Variants in ZNF268 observed in about 807,000 individuals in gnomAD.
ZNF268 encodes zinc finger protein 3.
A neutral mutation model predicts 29.3 loss-of-function variants in ZNF268; 20 were observed. The observed-to-expected ratio is 0.68, with a 90% CI of 0.48 to 0.99. The LOEUF is 0.99. Ranked by LOEUF, ZNF268 falls within the 50% of genes least tolerant of loss-of-function variation. The probability of loss-of-function intolerance (pLI) is 0.00; values close to 1 mark genes in which losing one functional copy is unlikely to be tolerated. For synonymous variants in ZNF268, 429 were observed against 376.9 expected, an observed-to-expected ratio of 1.14 and a Z score of -1.60; for missense variants, 1,240 against 1,121.6, an observed-to-expected ratio of 1.11 and a Z score of -1.51.
chr12:133,211,667 CAAATT>C lies in ZNF268; in HGVS notation c.*7141_*7145del, dbSNP rs1404529703. The C allele has an allele frequency of 6.6e-6, 1 of 151,808 alleles. No homozygotes were observed. The highest frequency in any genetic ancestry group is 1.5e-5 in the Non-Finnish European group (1 of 68,210). 9.4% of individuals were successfully genotyped at this position (151,808 alleles called of 1,614,324 possible). A position where few individuals can be genotyped will look rare whatever the true frequency, so the allele number is the denominator to read the frequency against. On this transcript the variant is annotated 3_prime_UTR_variant, in exon 6 of 6. Coordinates refer to ENST00000536435, the MANE Select transcript of ZNF268 (RefSeq NM_003415.3). ...AGTGACACTTGTCATGAGGGAAAAGCAAATTAAAACAACGAGATAGCACCGCACAT... is the reference window on the plus strand; with the variant it reads ...AGTGACACTTGTCATGAGGGAAAAGCAAAACAACGAGATAGCACCGCACAT...
rs1373323676 is a variant in ZNF268, at chr12:133,212,491, A to G, written c.*7961A>G. 32 of 21,370 alleles carry G rather than the reference A, an allele frequency of 1.5e-3. No individual in the cohort carries two copies. The highest frequency in any genetic ancestry group is 9.8e-3 in the African/African-American group (28 of 2,860). The allele number at this position is 21,370 out of a possible 1,614,324, so 1.3% of individuals were successfully genotyped here. A position where few individuals can be genotyped will look rare whatever the true frequency, so the allele number is the denominator to read the frequency against. On this transcript the variant is annotated 3_prime_UTR_variant, in exon 6 of 6. Transcript: ENST00000536435. ...TATATATATATATATATATATATAT[A>G]TATATATGTATATATACACACACAC...
At chr12:133,193,454 A>C (rs1387996729) in intron 5 of ZNF268, 1 of 693,004 alleles carries the variant, frequency 1.4e-6, no homozygotes, top group Admixed American at 2.1e-5. Context: ...GTCCAAAGCC[A>C]AGGTGCTGGC....
chr12:133,202,651 A>G lies in ZNF268; in HGVS notation c.965A>G (p.His322Arg), dbSNP rs1352868771. ...DFSSKSYLIV[H>R]QRIHTGEKLH... Reference sequence around the variant, plus strand: ...AGTAGTAAATCATACCTCATTGTACATCAGAGAATTCATACAGGAGAGAAA... The same window carrying G: ...AGTAGTAAATCATACCTCATTGTACGTCAGAGAATTCATACAGGAGAGAAA... Residue 322 changes from histidine (H) to arginine (R), a missense_variant, in exon 6 of 6, where the codon CAT becomes CGT. Around this residue, in one of 3 missense-constraint regions of ZNF268, gnomAD observed 1,177 missense variants for 1,039.6 expected, o/e 1.13. Coordinates refer to ENST00000536435, the MANE Select transcript of ZNF268 (RefSeq NM_003415.3). 6.2e-7 allele frequency: 1 copy of G among 1,606,202 alleles called. No individual in the cohort carries two copies. Among genetic ancestry groups the G allele is most frequent in the Admixed American group, 1.7e-5 (1 of 58,360 alleles).
At chr12:133,185,411 G>C (rs1013855121) in intron 2 of ZNF268, among the ~76,000 whole-genome samples, 3 of 99,250 alleles carry the variant, frequency 3.0e-5, no homozygotes, top group African/African-American at 1.2e-4. Context: ...CTTTGTGACT[G>C]GGGTAGGGAG....
Position 133,203,645 on chromosome 12 carries a change from A to T in ZNF268, c.1959A>T (p.Ser653=). ...NECGKAFTFK[S]QLIVHKGVHT... The stretch of plus-strand genomic sequence containing the variant: ...GTGGAAAAGCCTTTACGTTCAAATC[A>T]CAGCTCATTGTACATAAAGGAGTGC... Residue 653 remains serine, a synonymous_variant, in exon 6 of 6, where the codon TCA becomes TCT. Transcript: ENST00000536435. 6.4e-7 allele frequency: 1 copy of T among 1,557,482 alleles called. No individual in the cohort carries two copies.
At position 133,203,349 on chromosome 12, in the gene ZNF268, C is replaced by T. The variant is rs1348535023; in HGVS notation, c.1663C>T (p.Pro555Ser). The T allele has an allele frequency of 3.2e-6, 5 of 1,547,918 alleles. No homozygotes were observed. The East Asian group carries it at 9.7e-5, about 30-fold the overall frequency. ...IHQRIHTGENPYECHECGKAF... is the reference protein window; with the variant it reads ...IHQRIHTGENSYECHECGKAF... ...TCAGAGGATTCATACAGGAGAGAAC[C>T]CCTATGAATGCCATGAATGTGGGAA... The change falls in exon 6 of 6, where the codon CCC becomes TCC. Residue 555 changes from proline (P) to serine (S), a missense_variant. Physicochemically the swap from Pro to Ser is moderately conservative, Grantham distance 74. Transcript: ENST00000536435.
At chr12:133,190,001 A>G (rs1232663830) in intron 3 of ZNF268, among the ~76,000 whole-genome samples, 14 of 69,934 alleles carry the variant, frequency 2.0e-4, no homozygotes, top group Admixed American at 7.5e-4. Context: ...GTAGAGACGA[A>G]GTTTCACCAT....
intron 5 of ZNF268, among the ~76,000 whole-genome samples, chr12:133,199,322 A>G (rs1956693404): frequency 6.6e-6 from 1 of 151,994 alleles, no homozygotes; most frequent in Non-Finnish European, 1.5e-5. Context: ...GGTTTTGTTT[A>G]TATGCTGGAT....
Position 133,191,985 on chromosome 12 carries a change from C to G in ZNF268, c.439C>G (p.Pro147Ala). 1 of 1,613,080 alleles carries G rather than the reference C, an allele frequency of 6.2e-7. No homozygotes were observed. The highest frequency in any genetic ancestry group is 8.5e-7 in the Non-Finnish European group (1 of 1,179,226). The change falls in exon 5 of 6, where the codon CCA becomes GCA. Residue 147 changes from proline to alanine, a missense_variant. Around this residue, in one of 3 missense-constraint regions of ZNF268, gnomAD observed 1,177 missense variants for 1,039.6 expected, o/e 1.13. Transcript: ENST00000536435. The stretch of plus-strand genomic sequence containing the variant: ...GCTGTGTATGGTGCAGGCCCAAGTT[C>G]CAAATCAGACCTGTCCAAGTGAGTG... ...EELCMVQAQVPNQTCPNTVWK... is the reference protein window; with the variant it reads ...EELCMVQAQVANQTCPNTVWK...
At chr12:133,195,973 G>T (rs1228024240) in intron 5 of ZNF268, among the ~76,000 whole-genome samples, 1 of 149,904 alleles carries the variant, frequency 6.7e-6, no homozygotes. Context: ...GCCTCCCAAG[G>T]TGCTGGGATT....
At chr12:133,201,230 T>C (rs1273130711) in intron 5 of ZNF268, among the ~76,000 whole-genome samples, 1 of 152,120 alleles carries the variant, frequency 6.6e-6, no homozygotes, top group African/African-American at 2.4e-5. Flanking sequence ...AGCCAAATTA[T>C]TAATTGTATT....
At chr12:133,196,905 T>G (rs1413500702) in intron 5 of ZNF268, among the ~76,000 whole-genome samples, 18 of 151,900 alleles carry the variant, frequency 1.2e-4, no homozygotes. Flanking sequence ...CTACCTGCAG[T>G]TTTTCACAGT....
At chr12:133,186,408 A>T (rs1956316525) in intron 2 of ZNF268, among the ~76,000 whole-genome samples, 1 of 148,112 alleles carries the variant, frequency 6.8e-6, no homozygotes, top group Admixed American at 6.8e-5. Context: ...TTGGAGATGG[A>T]GTCTCACTCT....
chr12:133,183,381 T>A (rs1175096213), intron 2 of ZNF268, among the ~76,000 whole-genome samples: 1 of 151,616 alleles, frequency 6.6e-6, no homozygotes, highest in South Asian at 2.1e-4. Context: ...CCACCTGTAA[T>A]CCCTGTTACT....
intron 5 of ZNF268, among the ~76,000 whole-genome samples, chr12:133,200,134 G>A (rs1380070639): frequency 2.0e-5 from 3 of 151,914 alleles, no homozygotes; most frequent in African/African-American, 4.8e-5. Context: ...TGTCAATTTT[G>A]GATCTTTCCT....
At chr12:133,186,327 GC>G (rs1956313914) in intron 2 of ZNF268, among the ~76,000 whole-genome samples, 1 of 151,950 alleles carries the variant, frequency 6.6e-6, no homozygotes, top group Non-Finnish European at 1.5e-5. Flanking sequence ...GGTAGACTGT[GC>G]CCAGTGTACA....
At position 133,210,746 on chromosome 12, in the gene ZNF268, C is replaced by G. The variant is rs1202650073; in HGVS notation, c.*6216C>G. The stretch of plus-strand genomic sequence containing the variant: ...AGTCCTGAGGAGAAGGCAGCTCAGT[C>G]TTTACTGTGATGCAGCCTCTAGTGA... On this transcript the variant is annotated 3_prime_UTR_variant, in exon 6 of 6. Transcript: ENST00000536435. 4.5e-6 allele frequency: 2 copies of G among 443,252 alleles called. No individual in the cohort carries two copies. Among genetic ancestry groups the G allele is most frequent in the Middle Eastern group, 3.3e-4 (1 of 3,018 alleles). The allele number at this position is 443,252 out of a possible 1,614,324, so 27.5% of individuals were successfully genotyped here.
chr12:133,192,206 C>T (rs1956493950), intron 5 of ZNF268, among the ~76,000 whole-genome samples: 1 of 150,286 alleles, frequency 6.7e-6, no homozygotes, highest in South Asian at 2.1e-4. Flanking sequence ...CTCCTGGGTT[C>T]AAGCAATTCT....
At chr12:133,185,708 G>A (rs2135485531) in intron 2 of ZNF268, among the ~76,000 whole-genome samples, 1 of 152,276 alleles carries the variant, frequency 6.6e-6, no homozygotes, top group Middle Eastern at 3.4e-3. Flanking sequence ...GTGGGGGACA[G>A]GTTGTAGGTG....
Sources: gnomAD v4.1 joint callset for allele counts (sites outside exome capture counted in the v4.1 genomes callset) on GRCh38, gnomAD v4.1.1 for gene constraint, gnomAD v4.1.1 regional missense constraint, MANE v1.5 for transcripts, NCBI Gene and HGNC (gene_info 2026-07-23, HGNC 2026-07-21) for gene names.